Variants in DCBLD2 observed in about 807,000 individuals in gnomAD.
DCBLD2 encodes discoidin, CUB and LCCL domain-containing protein 2.
Under a neutral mutation model 86.8 loss-of-function variants are expected in DCBLD2, and 54 were observed. That is an observed-to-expected ratio of 0.62 (90% CI 0.50 to 0.78). The LOEUF (loss-of-function observed/expected upper bound fraction) is 0.78. Among genes scored for constraint, DCBLD2 ranks in the 30% least tolerant of loss-of-function variants. The probability of loss-of-function intolerance (pLI) is 0.00; values close to 1 mark genes in which losing one functional copy is unlikely to be tolerated. For missense variants in DCBLD2, 908 were observed against 954.2 expected, an observed-to-expected ratio of 0.95 and a Z score of 0.64; for synonymous variants, 354 against 341.3, an observed-to-expected ratio of 1.04 and a Z score of -0.41.
In DCBLD2 at chr3:98,799,569, G is replaced by A; in HGVS notation, c.2131C>T (p.Leu711=). The change falls in exon 16 of 16, where the codon CTA becomes TTA. Residue 711 remains leucine (L), a synonymous_variant. Transcript: ENST00000326840. ...FKATGNQPPP[L]VGTYNTLLSR... is the part of the protein sequence containing the mutation. ...AGAAGTGTATTGTAAGTTCCCACTA[G>A]TGGGGGAGGTTGGTTCCCCGTAGCC... 1 of 1,614,006 alleles carries A rather than the reference G, an allele frequency of 6.2e-7. No individual in the cohort carries two copies. Among genetic ancestry groups the A allele is most frequent in the East Asian group, 2.2e-5 (1 of 44,864 alleles).
chr3:98,867,364 C>T (rs1245576292), intron 2 of DCBLD2, among the ~76,000 whole-genome samples: 1 of 152,064 alleles, frequency 6.6e-6, no homozygotes, highest in African/African-American at 2.4e-5. Flanking sequence ...CCATTTGTGT[C>T]CTCTTTTATT....
intron 2 of DCBLD2, among the ~76,000 whole-genome samples, chr3:98,857,894 AGCCCAGCT>A (rs1228414282): frequency 6.6e-6 from 1 of 152,264 alleles, no homozygotes; most frequent in Non-Finnish European, 1.5e-5. Flanking sequence ...CAGACTCAGG[AGCCCAGCT>A]GGCTGCACCC....
At chr3:98,862,845 C>A (rs983340559) in intron 2 of DCBLD2, among the ~76,000 whole-genome samples, 1 of 152,054 alleles carries the variant, frequency 6.6e-6, no homozygotes. Context: ...ACTCCTATTT[C>A]ATATAGTATT....
intron 1 of DCBLD2, among the ~76,000 whole-genome samples, chr3:98,895,622 G>C (rs534063281): frequency 1.1e-4 from 17 of 152,222 alleles, no homozygotes; most frequent in African/African-American, 4.1e-4. Flanking sequence ...ACTTCTCCAG[G>C]AGTTGTGAGC....
intron 13 of DCBLD2, among the ~76,000 whole-genome samples, chr3:98,803,354 T>C (rs997651018): frequency 6.6e-6 from 1 of 152,124 alleles, no homozygotes; most frequent in African/African-American, 2.4e-5. Flanking sequence ...CTGTCTGTTA[T>C]TGGTGTATAA....
intron 2 of DCBLD2, among the ~76,000 whole-genome samples, chr3:98,859,870 C>T (rs145877873): frequency 7.8e-4 from 119 of 152,308 alleles, no homozygotes; most frequent in East Asian, 1.9e-3. Context: ...CAAAGCTGGA[C>T]GGAGAATGAC....
rs1942053456 is a variant in DCBLD2 at position 98,817,901 on chromosome 3, A to G, written c.1088-8T>C. The G allele has an allele frequency of 6.2e-7, 1 of 1,611,918 alleles. No individual in the cohort carries two copies. Among genetic ancestry groups the G allele is most frequent in the African/African-American group, 1.3e-5 (1 of 74,894 alleles). On this transcript the variant is annotated splice_polypyrimidine_tract_variant and splice_region_variant and intron_variant, in intron 8 of 15. Coordinates refer to ENST00000326840, the MANE Select transcript of DCBLD2 (RefSeq NM_080927.4). ...ATCCAGTGGTTATAATGCCTGGGGA[A>G]TGAAGAGTTGCTTTCATTAATGCAC...
chr3:98,887,832 C>T (rs1357130910), intron 1 of DCBLD2, among the ~76,000 whole-genome samples: 1 of 151,978 alleles, frequency 6.6e-6, no homozygotes, highest in Non-Finnish European at 1.5e-5. Flanking sequence ...CCTACACTGA[C>T]ACATTGTTAT....
chr3:98,834,537 G>A (rs1942392343), intron 3 of DCBLD2, among the ~76,000 whole-genome samples: 1 of 152,126 alleles, frequency 6.6e-6, no homozygotes, highest in Non-Finnish European at 1.5e-5. Context: ...CCAAATATGA[G>A]TGAGAACATG....
intron 1 of DCBLD2, among the ~76,000 whole-genome samples, chr3:98,887,950 T>G (rs1943591021): frequency 6.6e-6 from 1 of 151,944 alleles, no homozygotes; most frequent in African/African-American, 2.4e-5. Flanking sequence ...CAGAGTAGTT[T>G]CACTGCCCTA....
intron 2 of DCBLD2, among the ~76,000 whole-genome samples, chr3:98,873,084 TCAAA>T (rs1943307090): frequency 1.3e-5 from 2 of 152,006 alleles, no homozygotes; most frequent in South Asian, 2.1e-4. Flanking sequence ...GATACTGGTG[TCAAA>T]CAAAGGAGAA....
At position 98,822,791 on chromosome 3, in the gene DCBLD2, GA is replaced by G. The variant is rs1194167723; in HGVS notation, c.624-51del. Reference sequence around the variant, plus strand: ...GTTACATAATGCTGTATTTTACAGGGAAAAAAGCAACCCCCCAAAAATATCA... The same window carrying G: ...GTTACATAATGCTGTATTTTACAGGGAAAAAGCAACCCCCCAAAAATATCA... On this transcript the variant is annotated intron_variant, in intron 4 of 15. Coordinates refer to ENST00000326840, the MANE Select transcript of DCBLD2 (RefSeq NM_080927.4). 8 of 1,476,712 alleles carry G rather than the reference GA, an allele frequency of 5.4e-6. No individual in the cohort carries two copies. The East Asian group carries it at 7.5e-5, about 14-fold the overall frequency. The allele number at this position is 1,476,712 out of a possible 1,614,324, so 91.5% of individuals were successfully genotyped here.
At chr3:98,873,581 A>G (rs991814576) in intron 2 of DCBLD2, among the ~76,000 whole-genome samples, 3 of 152,120 alleles carry the variant, frequency 2.0e-5, no homozygotes, top group Non-Finnish European at 4.4e-5. Flanking sequence ...AAAAAATGAT[A>G]TAATTGACCC....
chr3:98,872,886 T>A (rs1304812351), intron 2 of DCBLD2, among the ~76,000 whole-genome samples: 2 of 152,140 alleles, frequency 1.3e-5, no homozygotes, highest in Non-Finnish European at 2.9e-5. Context: ...TATAAATAAA[T>A]GCGAATGGAT....
In DCBLD2 at chr3:98,799,686, T is replaced by C. The variant is rs111245657; in HGVS notation, c.2014A>G (p.Ile672Val). The stretch of plus-strand genomic sequence containing the variant: ...GGGGTTGCATACTCAGGCCCCGTAA[T>C]TGGGAGTGGTTCAGCATAGGCATGA... ...VYHAYAEPLP[I>V]TGPEYATPII... The change falls in exon 16 of 16, where the codon ATT (isoleucine) becomes GTT (valine). Residue 672 changes from isoleucine to valine, a missense_variant. This residue lies in a region of DCBLD2 where 606 missense variants were observed against 678.5 expected (regional missense o/e 0.89). Transcript: ENST00000326840. 7,517 of 1,613,996 alleles carry C rather than the reference T, an allele frequency of 4.7e-3. 29 individuals are homozygous for C. Among genetic ancestry groups the C allele is most frequent in the Non-Finnish European group, 5.9e-3 (6,950 of 1,179,876 alleles).
At chr3:98,800,829 T>A in intron 14 of DCBLD2, 113 bp from the exon 15 acceptor site, 6 of 1,393,126 alleles carry the variant, frequency 4.3e-6, no homozygotes, top group Non-Finnish European at 5.9e-6. Flanking sequence ...CAAATATCTC[T>A]ACAAACTTGC....
chr3:98,869,243 T>C (rs928998531), intron 2 of DCBLD2, among the ~76,000 whole-genome samples: 4 of 152,230 alleles, frequency 2.6e-5, no homozygotes, highest in African/African-American at 7.2e-5. Flanking sequence ...TAGTCTTTTG[T>C]GTATCTTCTT....
intron 4 of DCBLD2, 124 bp downstream of exon 4, chr3:98,825,191 G>C (rs1380979455): frequency 1.5e-6 from 1 of 665,342 alleles, no homozygotes; most frequent in Non-Finnish European, 2.3e-6. Flanking sequence ...TTGAAGTCTC[G>C]GAACAATGAT....
intron 13 of DCBLD2, among the ~76,000 whole-genome samples, chr3:98,802,394 G>C (rs1941744755): frequency 1.3e-5 from 2 of 152,126 alleles, no homozygotes; most frequent in Admixed American, 6.5e-5. Context: ...CCCACTTGTT[G>C]ATGGGGTTGT....
Sources: gnomAD v4.1 joint callset for allele counts (sites outside exome capture counted in the v4.1 genomes callset) on GRCh38, gnomAD v4.1.1 for gene constraint, gnomAD v4.1.1 regional missense constraint, MANE v1.5 for transcripts, NCBI Gene and HGNC (gene_info 2026-07-23, HGNC 2026-07-21) for gene names.